SNX29: variants seen among roughly 807,000 people sequenced by gnomAD.
The protein encoded by SNX29 is sorting nexin 29, also known as sorting nexin-29.
A neutral mutation model predicts 102.1 loss-of-function variants in SNX29; 78 were observed. The ratio of observed to expected loss-of-function variants is 0.76; its 90% CI spans 0.64 to 0.92. The LOEUF (loss-of-function observed/expected upper bound fraction) is 0.92. SNX29 is among the 40% of genes least tolerant of loss of function. SNX29 has a pLI of 0.00. For synonymous variants in SNX29, 580 were observed against 414.5 expected, an observed-to-expected ratio of 1.40 and a Z score of -4.85; for missense variants, 1,280 against 1,061.7, an observed-to-expected ratio of 1.21 and a Z score of -2.86.
intron 18 of SNX29, among the ~76,000 whole-genome samples, chr16:12,408,652 C>T (rs965821829): frequency 7.9e-5 from 12 of 152,152 alleles, no homozygotes; most frequent in African/African-American, 2.7e-4. Context: ...GAAACCCCAT[C>T]TCTACTAAAA....
chr16:12,296,101 C>T (rs1010142525), intron 15 of SNX29, among the ~76,000 whole-genome samples: 5 of 152,152 alleles, frequency 3.3e-5, no homozygotes, highest in African/African-American at 4.8e-5. Context: ...TTTCTTCCTT[C>T]GGTGGTAAAA....
intron 20 of SNX29, among the ~76,000 whole-genome samples, chr16:12,531,934 G>T (rs573653138): frequency 6.6e-6 from 1 of 152,310 alleles, no homozygotes; most frequent in East Asian, 1.9e-4. Flanking sequence ...CAAGAGGTCG[G>T]AGAGTGTGTT....
chr16:12,165,969 G>A (rs1203660391), intron 13 of SNX29, among the ~76,000 whole-genome samples: 1 of 152,236 alleles, frequency 6.6e-6, no homozygotes, highest in African/African-American at 2.4e-5. Flanking sequence ...GTTTGACCCT[G>A]TCTAATGGGG....
At chr16:11,977,893 C>G (rs1036126464) in intron 1 of SNX29, 1 of 152,296 alleles carries the variant, frequency 6.6e-6, no homozygotes, top group Admixed American at 6.5e-5. Context: ...GAAGCCCCGC[C>G]TATCCTCCTA....
At chr16:12,068,615 G>T (rs1039726454) in intron 9 of SNX29, among the ~76,000 whole-genome samples, 3 of 152,140 alleles carry the variant, frequency 2.0e-5, no homozygotes, top group African/African-American at 4.8e-5. Context: ...CACGATCTCG[G>T]CTCACTGCAA....
chr16:12,491,053 A>G (rs1029553046), intron 19 of SNX29, among the ~76,000 whole-genome samples: 1 of 152,250 alleles, frequency 6.6e-6, no homozygotes, highest in Non-Finnish European at 1.5e-5. Flanking sequence ...TTCTTCACCA[A>G]TATCACATTT....
rs982249086 is a variant in SNX29, at chr16:12,551,911, C to T, written c.2319-16595C>T. Among the ~76,000 whole-genome samples, 5 of 152,300 alleles carry T rather than the reference C, an allele frequency of 3.3e-5. No individual in the cohort carries two copies. In the South Asian group the frequency reaches 6.2e-4, roughly 19 times the overall value. ...CATCTGTAAGGTAGGGATCTCTATA[C>T]CCTACCACACAGAGCCACTGTGAGG... On this transcript the variant is annotated intron_variant, in intron 20 of 20. Coordinates refer to ENST00000566228, the MANE Select transcript of SNX29 (RefSeq NM_032167.5).
chr16:12,263,216 C>T (rs1250014613), intron 14 of SNX29, among the ~76,000 whole-genome samples: 1 of 151,332 alleles, frequency 6.6e-6, no homozygotes, highest in Non-Finnish European at 1.5e-5. Context: ...ACTGCAACCT[C>T]TGCCTCCTGG....
At chr16:12,542,502 T>C (rs997542762) in intron 20 of SNX29, among the ~76,000 whole-genome samples, 2 of 152,202 alleles carry the variant, frequency 1.3e-5, no homozygotes, top group Non-Finnish European at 2.9e-5. Flanking sequence ...TGGCTCATTT[T>C]TGTATTTTTA....
chr16:12,030,643 C>T (rs750139060), intron 4 of SNX29, among the ~76,000 whole-genome samples: 3 of 152,204 alleles, frequency 2.0e-5, no homozygotes, highest in African/African-American at 7.2e-5. Flanking sequence ...CCACTTTGCA[C>T]ATCATGGAGT....
At chr16:12,192,628 C>T (rs973420148) in intron 13 of SNX29, among the ~76,000 whole-genome samples, 1 of 152,222 alleles carries the variant, frequency 6.6e-6, no homozygotes, top group Non-Finnish European at 1.5e-5. Flanking sequence ...CCTCCTGCCT[C>T]AGCCTCTGGA....
At chr16:12,463,849 T>TGTGA (rs1555544999) in intron 18 of SNX29, among the ~76,000 whole-genome samples, 3 of 142,556 alleles carry the variant, frequency 2.1e-5, no homozygotes, top group Non-Finnish European at 4.7e-5. Context: ...TGTGTGTGTG[T>TGTGA]GTGTGAGAGA....
chr16:12,258,749 G>A (rs954823613), intron 14 of SNX29, among the ~76,000 whole-genome samples: 8 of 152,148 alleles, frequency 5.3e-5, no homozygotes, highest in Non-Finnish European at 1.0e-4. Context: ...CAGAGGAAAC[G>A]TGGAACTTGT....
intron 14 of SNX29, among the ~76,000 whole-genome samples, chr16:12,268,356 G>T (rs931313886): frequency 1.3e-5 from 2 of 152,172 alleles, no homozygotes; most frequent in Admixed American, 1.3e-4. Context: ...GGAACTAAAT[G>T]AAATACTTGC....
chr16:12,457,962 C>G (rs1008812742), intron 18 of SNX29, among the ~76,000 whole-genome samples: 2 of 152,188 alleles, frequency 1.3e-5, no homozygotes, highest in African/African-American at 4.8e-5. Flanking sequence ...GAGAGTGTGC[C>G]TATCACATCT....
intron 16 of SNX29, among the ~76,000 whole-genome samples, chr16:12,362,569 C>CCCCCCCCCCG: frequency 2.7e-5 from 2 of 75,418 alleles, no homozygotes; most frequent in African/African-American, 9.1e-5. Flanking sequence ...CCCACCCCCC[C>CCCCCCCCCCG]CCCCACCAGT....
chr16:12,051,908 T>A lies in SNX29; in HGVS notation c.810T>A (p.Asp270Glu), dbSNP rs2050321379. ...KKKVTNIISF[D>E]DEEDEQNSGD... is the part of the protein sequence containing the mutation. ...AAGTGACCAACATAATCTCATTTGA[T>A]GATGAGGAAGATGAGCAGAACTCTG... is the stretch of plus-strand genomic sequence containing the variant. Residue 270 changes from aspartate (D) to glutamate (E), a missense_variant, in exon 8 of 21, where the codon GAT becomes GAA. Asp to Glu is a conservative substitution (Grantham distance 45). Coordinates refer to ENST00000566228, the MANE Select transcript of SNX29 (RefSeq NM_032167.5). 2 of 1,613,384 alleles carry A rather than the reference T, an allele frequency of 1.2e-6. No homozygotes were observed. The highest frequency in any genetic ancestry group is 1.7e-6 in the Non-Finnish European group (2 of 1,179,780).
At chr16:11,994,515 A>G (rs2055981976) in intron 1 of SNX29, among the ~76,000 whole-genome samples, 2 of 152,286 alleles carry the variant, frequency 1.3e-5, no homozygotes, top group South Asian at 4.1e-4. Context: ...CCAGGATCCC[A>G]TGGACTTGGA....
At chr16:12,526,803 C>T (rs2076796538) in intron 20 of SNX29, 3 of 409,986 alleles carry the variant, frequency 7.3e-6, no homozygotes, top group South Asian at 2.3e-5. Flanking sequence ...GGTCCACAGC[C>T]CAGGCATCTC....
Sources: allele counts gnomAD v4.1 joint callset (sites outside exome capture counted in the v4.1 genomes callset), GRCh38; gene constraint gnomAD v4.1.1; transcripts MANE v1.5; gene names NCBI Gene and HGNC (gene_info 2026-07-23, HGNC 2026-07-21).